NRXN1: variants seen among roughly 807,000 people sequenced by gnomAD.
NRXN1 encodes neurexin-1.
In NRXN1, 39 loss-of-function variants were observed where a neutral mutation model predicts 150.9. The observed-to-expected ratio is 0.26, with a 90% CI of 0.20 to 0.34. The LOEUF (loss-of-function observed/expected upper bound fraction) is 0.34, where lower values mean the gene tolerates loss of function less well. Among genes scored for constraint, NRXN1 ranks in the 10% least tolerant of loss-of-function variants. The pLI is 1.00. For missense variants in NRXN1, 1,815 were observed against 1,949.9 expected (o/e 0.93, Z 1.30); for synonymous variants, 924 against 757.0 (o/e 1.22, Z -3.62).
chr2:50,145,063 C>T (rs141331321), intron 18 of NRXN1, among the ~76,000 whole-genome samples: 1 of 151,504 alleles, frequency 6.6e-6, no homozygotes, highest in African/African-American at 2.4e-5. Context: ...GATTTAATGC[C>T]ATGTTAACAA....
intron 18 of NRXN1, among the ~76,000 whole-genome samples, chr2:50,149,231 C>T (rs1035667607): frequency 1.4e-4 from 21 of 151,742 alleles, no homozygotes; most frequent in African/African-American, 4.8e-4. Context: ...ATTTTATATC[C>T]ATTTGCGCTG....
intron 2 of NRXN1, among the ~76,000 whole-genome samples, chr2:51,021,662 C>T (rs114080008): frequency 6.6e-6 from 1 of 151,892 alleles, no homozygotes; most frequent in South Asian, 2.1e-4. Flanking sequence ...ATCTTATCTG[C>T]AGCATATGTG....
At position 50,783,603 on chromosome 2, in the gene NRXN1, G is replaced by A. The variant is rs1704648806; in HGVS notation, c.832+138266C>T. Among the ~76,000 whole-genome samples the A allele has an allele frequency of 2.0e-5, 3 of 152,086 alleles. No homozygotes were observed. The South Asian group carries it at 6.2e-4, about 32-fold the overall frequency. ...GAACAGTACAATTTCCACTGGAAAG[G>A]CATTCTCTATCTTTTCCACATTGTA... On this transcript the variant is annotated intron_variant, in intron 5 of 22. Transcript: ENST00000401669.
chr2:50,251,872 TG>T (rs1464133967), intron 17 of NRXN1, among the ~76,000 whole-genome samples: 2 of 152,172 alleles, frequency 1.3e-5, no homozygotes, highest in Admixed American at 6.6e-5. Context: ...CAGTTTTTAA[TG>T]TTTTTTTGTT....
chr2:50,693,114 C>T (rs922203700), intron 5 of NRXN1, among the ~76,000 whole-genome samples: 7 of 152,064 alleles, frequency 4.6e-5, no homozygotes, highest in African/African-American at 1.7e-4. Context: ...AATGCTGACA[C>T]TTGAATAGTT....
rs1558531856 is a variant in NRXN1, at chr2:50,982,785, T to G, written c.772+44717A>C. ...CTAGTTGATCATTTTAATGTGCACC[T>G]AATACTAATTTTAACCATACACTTA... is the stretch of plus-strand genomic sequence containing the variant. On this transcript the variant is annotated intron_variant, in intron 2 of 22. Coordinates refer to ENST00000401669, the MANE Select transcript of NRXN1 (RefSeq NM_001330078.2). Among the ~76,000 whole-genome samples the G allele has an allele frequency of 2.6e-5, 4 of 152,212 alleles. No individual in the cohort carries two copies. The South Asian group carries it at 8.3e-4, about 32-fold the overall frequency.
At chr2:50,672,818 C>G (rs1689049577) in intron 5 of NRXN1, among the ~76,000 whole-genome samples, 1 of 151,960 alleles carries the variant, frequency 6.6e-6, no homozygotes, top group South Asian at 2.1e-4. Context: ...TCCATGAGGT[C>G]CCTGCAATGG....
At chr2:50,668,806 T>C (rs1688430326) in intron 5 of NRXN1, among the ~76,000 whole-genome samples, 1 of 151,930 alleles carries the variant, frequency 6.6e-6, no homozygotes, top group Non-Finnish European at 1.5e-5. Flanking sequence ...CATTATGGAA[T>C]AGGAATTTCA....
At chr2:50,658,804 T>C (rs1486882199) in intron 5 of NRXN1, among the ~76,000 whole-genome samples, 5 of 152,068 alleles carry the variant, frequency 3.3e-5, no homozygotes, top group African/African-American at 2.4e-5. Context: ...CAGATCCATA[T>C]GTAGCCCAAG....
At chr2:50,627,990 T>C (rs1681478381) in intron 5 of NRXN1, among the ~76,000 whole-genome samples, 1 of 151,890 alleles carries the variant, frequency 6.6e-6, no homozygotes. Flanking sequence ...TGTTTTAGTC[T>C]ACTTAGTTTA....
At chr2:50,240,447 G>A (rs990483196) in intron 17 of NRXN1, among the ~76,000 whole-genome samples, 1 of 151,432 alleles carries the variant, frequency 6.6e-6, no homozygotes. Flanking sequence ...AATTAACTTT[G>A]CATCAAACTT....
intron 18 of NRXN1, among the ~76,000 whole-genome samples, chr2:50,194,291 GT>G (rs2061622696): frequency 6.6e-6 from 1 of 152,150 alleles, no homozygotes; most frequent in African/African-American, 2.4e-5. Flanking sequence ...AGCTGCAGCA[GT>G]TGACTAGTTT....
At chr2:50,224,693 A>AGAG (rs2064193869) in intron 18 of NRXN1, among the ~76,000 whole-genome samples, 4 of 130,506 alleles carry the variant, frequency 3.1e-5, no homozygotes, top group South Asian at 2.6e-4. Flanking sequence ...GAGAGGGAGA[A>AGAG]AGAGAGAGAG....
chr2:50,199,565 C>CAG (rs1487077914), intron 18 of NRXN1, among the ~76,000 whole-genome samples: 4 of 150,410 alleles, frequency 2.7e-5, no homozygotes, highest in Admixed American at 2.0e-4. Flanking sequence ...CACACACACA[C>CAG]ACATGCACAC....
chr2:50,623,205 C>T (rs1025294832), intron 6 of NRXN1, 109 bp downstream of exon 6: 15 of 797,338 alleles, frequency 1.9e-5, no homozygotes, highest in Non-Finnish European at 2.9e-5. Flanking sequence ...AGCTAATTTG[C>T]AAGTGACTCT....
intron 8 of NRXN1, among the ~76,000 whole-genome samples, chr2:50,594,788 T>C (rs1456550060): frequency 1.3e-5 from 2 of 152,148 alleles, no homozygotes; most frequent in Non-Finnish European, 2.9e-5. Context: ...TTTTCCCTTT[T>C]TGCCATCTTT....
chr2:50,660,244 G>C (rs55695539), intron 5 of NRXN1, among the ~76,000 whole-genome samples: 1 of 152,002 alleles, frequency 6.6e-6, no homozygotes, highest in Non-Finnish European at 1.5e-5. Flanking sequence ...GATGCATTGA[G>C]AAGTTAAGGT....
intron 17 of NRXN1, among the ~76,000 whole-genome samples, chr2:50,424,216 AAGG>A (rs1432707151): frequency 1.2e-5 from 1 of 86,220 alleles, no homozygotes; most frequent in African/African-American, 5.1e-5. Context: ...AGAGGAGGAG[AAGG>A]AGAAGAAGAA....
chr2:50,527,382 C>T (rs1398522602), intron 12 of NRXN1, among the ~76,000 whole-genome samples: 2 of 152,124 alleles, frequency 1.3e-5, no homozygotes, highest in Non-Finnish European at 2.9e-5. Flanking sequence ...GAGGAGATTA[C>T]ATATATTTGA....
Sources: gnomAD v4.1 joint callset for allele counts (sites outside exome capture counted in the v4.1 genomes callset) on GRCh38, gnomAD v4.1.1 for gene constraint, MANE v1.5 for transcripts, NCBI Gene and HGNC (gene_info 2026-07-23, HGNC 2026-07-21) for gene names.